ABCB4: variants seen among roughly 807,000 people sequenced by gnomAD.
ABCB4 encodes the protein phosphatidylcholine translocator ABCB4.
ABCB4 carries 76 observed loss-of-function variants against 145.7 expected under a neutral mutation model. The observed-to-expected ratio is 0.52, with a 90% CI of 0.43 to 0.63. ABCB4 has a LOEUF of 0.63. Among genes scored for constraint, ABCB4 ranks in the 30% least tolerant of loss-of-function variants. ABCB4 has a pLI of 0.00. For synonymous variants in ABCB4, 517 were observed against 566.8 expected (o/e 0.91, Z 1.25); for missense variants, 1,234 against 1,553.1 (o/e 0.79, Z 3.45).
chr7:87,445,949 T>C (rs921565356), intron 9 of ABCB4, among the ~76,000 whole-genome samples: 4 of 152,124 alleles, frequency 2.6e-5, no homozygotes, highest in African/African-American at 7.2e-5. Flanking sequence ...ATTAAGGCCA[T>C]AGAGGACAAA....
At chr7:87,427,209 C>T (rs1475369801) in intron 15 of ABCB4, among the ~76,000 whole-genome samples, 1 of 151,702 alleles carries the variant, frequency 6.6e-6, no homozygotes. Context: ...TAGGAATTTA[C>T]TTAATATGCA....
downstream of ABCB4, among the ~76,000 whole-genome samples, chr7:87,400,951 T>C (rs1807752835): frequency 6.6e-6 from 1 of 152,200 alleles, no homozygotes; most frequent in Admixed American, 6.5e-5. Flanking sequence ...ACCTAGAGTG[T>C]ATTTTAAAAA....
rs45447995 is a variant in ABCB4, at chr7:87,440,901, C to T, written c.1357-499G>A. On this transcript the variant is annotated intron_variant, in intron 12 of 27. Transcript: ENST00000649586. ...GACTACAGGCACCCACCACCATGCC[C>T]GGCTAATTTTCTGTATTTTTAGTAG... 1.6e-3 allele frequency among the ~76,000 whole-genome samples: 248 copies of T among 152,040 alleles called. 2 individuals carry two copies. The highest frequency in any genetic ancestry group is 5.1e-3 in the African/African-American group (213 of 41,444).
At chr7:87,448,533 CA>C in intron 8 of ABCB4, 1 of 152,366 alleles carries the variant, frequency 6.6e-6, no homozygotes, top group Non-Finnish European at 1.5e-5. Context: ...GGCTGAGCCT[CA>C]AGGCGTGGCA....
chr7:87,407,474 T>C (rs1375034651), intron 25 of ABCB4, among the ~76,000 whole-genome samples: 1 of 152,242 alleles, frequency 6.6e-6, no homozygotes, highest in East Asian at 1.9e-4. Flanking sequence ...TCATGGGTGC[T>C]GTCCCAAGGT....
intron 4 of ABCB4, among the ~76,000 whole-genome samples, chr7:87,462,388 T>G (rs1468447808): frequency 2.0e-5 from 3 of 152,060 alleles, no homozygotes; most frequent in African/African-American, 7.2e-5. Context: ...AGCTAAGAAG[T>G]ACTGCCATGT....
chr7:87,471,386 AAG>A (rs1188516871), intron 3 of ABCB4, among the ~76,000 whole-genome samples: 1 of 152,176 alleles, frequency 6.6e-6, no homozygotes, highest in Admixed American at 6.5e-5. Flanking sequence ...TAAAAAAATA[AAG>A]AAAAAAAAAC....
chr7:87,452,279 C>T (rs1811786425), intron 6 of ABCB4: 1 of 205,448 alleles, frequency 4.9e-6, no homozygotes, highest in African/African-American at 2.4e-5. Flanking sequence ...TGCTACTCCT[C>T]AGCTCAGAAA....
At chr7:87,470,758 A>G (rs1813324471) in intron 3 of ABCB4, among the ~76,000 whole-genome samples, 1 of 152,230 alleles carries the variant, frequency 6.6e-6, no homozygotes, top group African/African-American at 2.4e-5. Context: ...GAACACTTTT[A>G]CACTATTGGT....
At chr7:87,465,370 C>A (rs962450172) in intron 3 of ABCB4, among the ~76,000 whole-genome samples, 1 of 152,192 alleles carries the variant, frequency 6.6e-6, no homozygotes, top group Non-Finnish European at 1.5e-5. Context: ...GTAAACAAAG[C>A]GGCCAGGAAG....
chr7:87,472,480 T>A, intron 3 of ABCB4, 141 bp downstream of exon 3: 1 of 732,086 alleles, frequency 1.4e-6, no homozygotes, highest in East Asian at 2.5e-5. Flanking sequence ...CACCTCAGTC[T>A]CCCAAAGTGC....
intron 4 of ABCB4, among the ~76,000 whole-genome samples, chr7:87,460,750 A>C (rs1254385634): frequency 1.3e-5 from 2 of 151,884 alleles, no homozygotes; most frequent in Non-Finnish European, 2.9e-5. Context: ...TCCTGGGTTC[A>C]AGCAACTCTC....
the ABCB4 span, among the ~76,000 whole-genome samples, chr7:87,381,280 A>G: frequency 3.3e-5 from 5 of 152,220 alleles, no homozygotes; most frequent in East Asian, 9.6e-4. Flanking sequence ...TTTGTTCTTC[A>G]AAATAGATGA....
At chr7:87,375,619 C>G in the ABCB4 span, 1 of 1,595,518 alleles carries the variant, frequency 6.3e-7, no homozygotes, top group Non-Finnish European at 8.6e-7. Context: ...ATCTTCTTTT[C>G]ATCTTCCATA....
At chr7:87,413,794 G>T (rs1808786970) in intron 21 of ABCB4, 77 bp from the exon 22 acceptor site, 1 of 987,906 alleles carries the variant, frequency 1.0e-6, no homozygotes, top group Non-Finnish European at 1.6e-6. Context: ...CTAGGGCTCT[G>T]TCAAAAGTAT....
intron 3 of ABCB4, among the ~76,000 whole-genome samples, chr7:87,469,192 C>T (rs965719417): frequency 2.6e-5 from 4 of 152,118 alleles, no homozygotes; most frequent in Non-Finnish European, 5.9e-5. Flanking sequence ...GCTAAAAACT[C>T]TCAATAAATT....
intron 3 of ABCB4, 143 bp downstream of exon 3, chr7:87,472,478 T>A (rs1167522672): frequency 1.4e-6 from 1 of 709,650 alleles, no homozygotes; most frequent in African/African-American, 1.8e-5. Context: ...CCCACCTCAG[T>A]CTCCCAAAGT....
intron 13 of ABCB4, 146 bp downstream of exon 13, chr7:87,440,053 C>T: frequency 2.7e-6 from 3 of 1,130,846 alleles, no homozygotes; most frequent in Non-Finnish European, 3.9e-6. Context: ...TCCTTTAACC[C>T]CTAACTGAGT....
At chr7:87,461,050 A>C (rs1403055786) in intron 4 of ABCB4, among the ~76,000 whole-genome samples, 2 of 151,988 alleles carry the variant, frequency 1.3e-5, no homozygotes, top group Admixed American at 6.6e-5. Context: ...GGTTCAAGCG[A>C]TTCCTCTGCC....
Sources: gnomAD v4.1 joint callset for allele counts (sites outside exome capture counted in the v4.1 genomes callset) on GRCh38, gnomAD v4.1.1 for gene constraint, MANE v1.5 for transcripts, NCBI Gene and HGNC (gene_info 2026-07-23, HGNC 2026-07-21) for gene names.